Variants in TMEM260 observed in about 807,000 individuals in gnomAD.
TMEM260 encodes transmembrane protein 260.
A neutral mutation model predicts 88.9 loss-of-function variants in TMEM260; 82 were observed. The observed-to-expected ratio is 0.92, with a 90% CI of 0.77 to 1.11. The LOEUF is 1.11. Ranked by LOEUF, TMEM260 falls within the 50% of genes least tolerant of loss-of-function variation. TMEM260 has a pLI of 0.00. For missense variants in TMEM260, 902 were observed against 853.4 expected (o/e 1.06, Z -0.71); for synonymous variants, 314 against 309.3 (o/e 1.02, Z -0.16).
Position 56,625,407 on chromosome 14 carries a change from C to G in TMEM260, c.1424C>G (p.Pro475Arg), listed in dbSNP as rs1888184914. 1 of 1,613,322 alleles carries G rather than the reference C, an allele frequency of 6.2e-7. No homozygotes were observed. Among genetic ancestry groups the G allele is most frequent in the Admixed American group, 1.7e-5 (1 of 59,920 alleles). ...ATGATGACTTACGAGTGGTATTTACCCAAGATGGCAAAGCACTTGCCAGGT... is the reference window on the plus strand; with the variant it reads ...ATGATGACTTACGAGTGGTATTTACGCAAGATGGCAAAGCACTTGCCAGGT... ...QEMMTYEWYL[P>R]KMAKHLPGVN... Residue 475 changes from proline to arginine, a missense_variant, in exon 12 of 16, where the codon CCC becomes CGC. Physicochemically the swap from Pro to Arg is moderately radical, Grantham distance 103. Coordinates refer to ENST00000261556, the MANE Select transcript of TMEM260 (RefSeq NM_017799.4).
intron 3 of TMEM260, among the ~76,000 whole-genome samples, chr14:56,595,439 T>C (rs1886146110): frequency 6.6e-6 from 1 of 152,208 alleles, no homozygotes; most frequent in Non-Finnish European, 1.5e-5. Context: ...TACAAATCAA[T>C]GTGTGAAAGG....
At chr14:56,606,104 A>G (rs1886885257) in intron 5 of TMEM260, among the ~76,000 whole-genome samples, 1 of 152,330 alleles carries the variant, frequency 6.6e-6, no homozygotes, top group Non-Finnish European at 1.5e-5. Context: ...CAAAACAGAC[A>G]TCGCTTCTAT....
At chr14:56,662,222 T>C in the TMEM260 span, among the ~76,000 whole-genome samples, 10 of 152,318 alleles carry the variant, frequency 6.6e-5, no homozygotes, top group East Asian at 1.9e-3. Flanking sequence ...CTATATTTAA[T>C]ATTGCAAACA....
chr14:56,589,611 TTAA>T (rs1483416158), intron 3 of TMEM260, among the ~76,000 whole-genome samples: 2 of 152,140 alleles, frequency 1.3e-5, no homozygotes, highest in African/African-American at 4.8e-5. Flanking sequence ...TATAGGAATA[TTAA>T]TAATATTAAA....
At chr14:56,612,140 A>G in intron 6 of TMEM260, 105 bp from the exon 7 acceptor site, 1 of 1,132,180 alleles carries the variant, frequency 8.8e-7, no homozygotes. Flanking sequence ...AAATTAAAAA[A>G]TTGTTTTAAG....
At position 56,580,047 on chromosome 14, in the gene TMEM260, C is replaced by A; in HGVS notation, c.133C>A (p.Pro45Thr). 1 of 1,251,878 alleles carries A rather than the reference C, an allele frequency of 8.0e-7. No individual in the cohort carries two copies. The highest frequency in any genetic ancestry group is 4.1e-5 in the Admixed American group (1 of 24,240). The allele number at this position is 1,251,878 out of a possible 1,614,324, so 77.5% of individuals were successfully genotyped here. ...GGCCGCAGTGTTCACCTTCACCCTG[C>A]CCCCTTCGGTACCGGGGGGAGACTC... is the stretch of plus-strand genomic sequence containing the variant. ...AVAAVFTFTL[P>T]PSVPGGDSGE... The change falls in exon 1 of 16, where the codon CCC (proline) becomes ACC (threonine). Residue 45 changes from proline to threonine, a missense_variant. Transcript: ENST00000261556.
At chr14:56,618,125 C>G (rs1357018628) in intron 9 of TMEM260, among the ~76,000 whole-genome samples, 1 of 152,034 alleles carries the variant, frequency 6.6e-6, no homozygotes, top group African/African-American at 2.4e-5. Context: ...AGCTCACTTC[C>G]AGGAGAAAGT....
intron 5 of TMEM260, among the ~76,000 whole-genome samples, chr14:56,606,709 C>T (rs1216040832): frequency 6.6e-6 from 1 of 151,896 alleles, no homozygotes; most frequent in Non-Finnish European, 1.5e-5. Flanking sequence ...CTGGGCAACA[C>T]GGTGAAAGTC....
chr14:56,581,600 A>G (rs1001423309), intron 1 of TMEM260, among the ~76,000 whole-genome samples: 5 of 152,220 alleles, frequency 3.3e-5, no homozygotes, highest in African/African-American at 4.8e-5. Flanking sequence ...TGAGATTTAT[A>G]ATAACTGACG....
chr14:56,621,795 A>G (rs1002388791), intron 11 of TMEM260, 93 bp downstream of exon 11: 5 of 1,033,584 alleles, frequency 4.8e-6, no homozygotes, highest in East Asian at 2.6e-5. Flanking sequence ...GGACGGGTAC[A>G]GTTTTCATGA....
downstream of TMEM260, among the ~76,000 whole-genome samples, chr14:56,649,717 G>T (rs1405623281): frequency 1.3e-5 from 2 of 152,060 alleles, no homozygotes; most frequent in Non-Finnish European, 2.9e-5. Context: ...GAGACTGTCT[G>T]CTTGTAAAAA....
intron 15 of TMEM260, among the ~76,000 whole-genome samples, chr14:56,644,369 T>G (rs4359344): frequency 0.024 from 3,587 of 152,250 alleles, 99 homozygotes; most frequent in East Asian, 0.1. Context: ...AAATATCTGA[T>G]CTTTGACAAA....
At chr14:56,587,239 A>G (rs1483226570) in intron 3 of TMEM260, among the ~76,000 whole-genome samples, 2 of 151,920 alleles carry the variant, frequency 1.3e-5, no homozygotes, top group Non-Finnish European at 2.9e-5. Context: ...TAATATATTC[A>G]TTTTGATAGT....
chr14:56,580,656 C>T (rs1183831844), intron 1 of TMEM260, among the ~76,000 whole-genome samples: 1 of 152,086 alleles, frequency 6.6e-6, no homozygotes, highest in Non-Finnish European at 1.5e-5. Flanking sequence ...AGGAACTAGC[C>T]ATGCAGAATA....
At chr14:56,642,514 T>C (rs1487171167) in intron 15 of TMEM260, among the ~76,000 whole-genome samples, 3 of 151,856 alleles carry the variant, frequency 2.0e-5, no homozygotes, top group Non-Finnish European at 4.4e-5. Flanking sequence ...AAGCAGTGTG[T>C]GGAGGGAAAT....
chr14:56,626,657 T>C (rs1233931538), intron 12 of TMEM260, among the ~76,000 whole-genome samples: 1 of 152,202 alleles, frequency 6.6e-6, no homozygotes, highest in Non-Finnish European at 1.5e-5. Context: ...TGACAACATA[T>C]GCCAAGTATT....
chr14:56,617,289 A>T lies in TMEM260; in HGVS notation c.1048A>T (p.Met350Leu), dbSNP rs954857174. 2 of 1,589,496 alleles carry T rather than the reference A, an allele frequency of 1.3e-6. No individual in the cohort carries two copies. Residue 350 changes from methionine (M) to leucine (L), a missense_variant, in exon 9 of 16, where the codon ATG becomes TTG. By Grantham distance (15) the Met-to-Leu change is conservative. Coordinates refer to ENST00000261556, the MANE Select transcript of TMEM260 (RefSeq NM_017799.4). ...ANLDISKPLF[M>L]GVVERFWMQS... ...TTTAGATATTTCAAAACCACTTTTC[A>T]TGGGTGTGGTAAGTTTTACTTAGAT...
At chr14:56,605,545 A>ATT (rs59106153) in intron 4 of TMEM260, 25 bp from the exon 5 acceptor site, 33 of 1,177,042 alleles carry the variant, frequency 2.8e-5, no homozygotes, top group South Asian at 6.6e-5. Context: ...TTTTTACTTA[A>ATT]TTTTTTTTTT....
intron 15 of TMEM260, among the ~76,000 whole-genome samples, chr14:56,641,910 AAAG>A (rs1474237732): frequency 7.2e-6 from 1 of 139,568 alleles, no homozygotes; most frequent in Non-Finnish European, 1.5e-5. Context: ...CAGAAGAGAC[AAAG>A]AAGGCCATTA....
Sources: gnomAD v4.1 joint callset for allele counts (sites outside exome capture counted in the v4.1 genomes callset) on GRCh38, gnomAD v4.1.1 for gene constraint, MANE v1.5 for transcripts, NCBI Gene and HGNC (gene_info 2026-07-23, HGNC 2026-07-21) for gene names.